Variants in KAZN observed in about 807,000 individuals in gnomAD.
The protein encoded by KAZN is kazrin, periplakin interacting protein.
Under a neutral mutation model 87.4 loss-of-function variants are expected in KAZN, and 40 were observed. That is an observed-to-expected ratio of 0.46 (90% CI 0.36 to 0.60). The LOEUF is 0.60. Among genes scored for constraint, KAZN ranks in the 20% least tolerant of loss-of-function variants. KAZN has a pLI of 0.00. For missense variants in KAZN, 898 were observed against 1,073.9 expected, an observed-to-expected ratio of 0.84 and a Z score of 2.29; for synonymous variants, 466 against 458.3, an observed-to-expected ratio of 1.02 and a Z score of -0.22.
chr1:14,885,880 T>C (rs1557589137), intron 1 of KAZN, among the ~76,000 whole-genome samples: 1 of 152,144 alleles, frequency 6.6e-6, no homozygotes, highest in Non-Finnish European at 1.5e-5. Flanking sequence ...TACAGATGAA[T>C]ATATGACTAC....
chr1:14,660,441 A>G (rs796511843), intron 1 of KAZN, among the ~76,000 whole-genome samples: 10 of 151,750 alleles, frequency 6.6e-5, no homozygotes, highest in African/African-American at 1.2e-4. Flanking sequence ...TTGATGGACA[A>G]TTTTGAAATT....
At chr1:14,339,112 G>C (rs1195131673) in intron 2 of KAZN, among the ~76,000 whole-genome samples, 3 of 152,176 alleles carry the variant, frequency 2.0e-5, no homozygotes, top group Non-Finnish European at 4.4e-5. Context: ...GACTGAGAGA[G>C]AGACAGAGAG....
chr1:14,033,882 G>A (rs1641430859), intron 1 of KAZN, among the ~76,000 whole-genome samples: 1 of 152,230 alleles, frequency 6.6e-6, no homozygotes, highest in African/African-American at 2.4e-5. Context: ...TTTGTAAAGG[G>A]AAGGAAACCT....
intron 2 of KAZN, among the ~76,000 whole-genome samples, chr1:14,214,667 G>A (rs1646922374): frequency 6.6e-6 from 1 of 152,172 alleles, no homozygotes; most frequent in South Asian, 2.1e-4. Flanking sequence ...GAACCAACAA[G>A]ATTTACTGAT....
intron 2 of KAZN, among the ~76,000 whole-genome samples, chr1:14,260,014 T>G (rs984042785): frequency 6.6e-6 from 1 of 152,240 alleles, no homozygotes; most frequent in Non-Finnish European, 1.5e-5. Flanking sequence ...TTATTCCCAT[T>G]TATTTTCTGA....
chr1:14,504,247 A>T (rs1383237802), intron 2 of KAZN, among the ~76,000 whole-genome samples: 1 of 152,194 alleles, frequency 6.6e-6, no homozygotes, highest in Non-Finnish European at 1.5e-5. Context: ...GACTCAGTGG[A>T]GTCTGGTATA....
intron 1 of KAZN, among the ~76,000 whole-genome samples, chr1:14,932,511 C>T (rs935378624): frequency 2.0e-5 from 3 of 152,202 alleles, no homozygotes; most frequent in East Asian, 1.9e-4. Context: ...GCAGCTAGTA[C>T]GACTGAAGAA....
intron 2 of KAZN, among the ~76,000 whole-genome samples, chr1:14,584,158 C>T (rs558250193): frequency 6.6e-6 from 1 of 152,366 alleles, no homozygotes; most frequent in East Asian, 1.9e-4. Context: ...GGTGGGACCA[C>T]CAACCCAGTT....
At chr1:14,585,042 G>A (rs1675769943) in intron 2 of KAZN, among the ~76,000 whole-genome samples, 1 of 152,134 alleles carries the variant, frequency 6.6e-6, no homozygotes, top group Non-Finnish European at 1.5e-5. Context: ...GAGGAGATGA[G>A]GACACAGACA....
chr1:14,041,453 G>T (rs1641835771), intron 1 of KAZN, among the ~76,000 whole-genome samples: 1 of 151,700 alleles, frequency 6.6e-6, no homozygotes, highest in South Asian at 2.1e-4. Flanking sequence ...TAGTTTTCTT[G>T]TATTCTCCAA....
At chr1:14,916,565 G>A (rs1657840467) in intron 1 of KAZN, among the ~76,000 whole-genome samples, 2 of 152,162 alleles carry the variant, frequency 1.3e-5, no homozygotes, top group African/African-American at 4.8e-5. Context: ...ACTTAGAAAA[G>A]GTGAGATGTG....
intron 1 of KAZN, among the ~76,000 whole-genome samples, chr1:14,011,333 C>A (rs1422369832): frequency 6.6e-6 from 1 of 152,214 alleles, no homozygotes; most frequent in African/African-American, 2.4e-5. Context: ...CCACTGTGCC[C>A]AGCTCATGCC....
chr1:13,981,095 A>ATATATATATATATATATATATATATATG lies in KAZN; in HGVS notation c.91+87354_91+87355insATATATATATATGTATATATATATATAT, dbSNP rs1196413078. ...AGGTATAAAAAATTACTCTTTATAT[A>ATATATATATATATATATATATATATATG]TATATATATATATATGTATATATAA... On this transcript the variant is annotated intron_variant, in intron 1 of 16. Coordinates refer to the KAZN transcript ENST00000636203. Among the ~76,000 whole-genome samples the ATATATATATATATATATATATATATATG allele has an allele frequency of 3.2e-3, 336 of 104,142 alleles. 10 individuals carry two copies. The highest frequency in any genetic ancestry group is 4.5e-3 in the Non-Finnish European group (228 of 50,388). The allele number at this position is 104,142 out of a possible 152,430, so 68.3% of individuals were successfully genotyped here. A position where few individuals can be genotyped will look rare whatever the true frequency, so the allele number is the denominator to read the frequency against.
chr1:14,751,567 G>C (rs919611039), intron 1 of KAZN, among the ~76,000 whole-genome samples: 1 of 152,162 alleles, frequency 6.6e-6, no homozygotes, highest in African/African-American at 2.4e-5. Context: ...ACCTTGGGTA[G>C]GACCTTGGTA....
At chr1:14,800,647 C>T (rs1047145856) in intron 1 of KAZN, among the ~76,000 whole-genome samples, 5 of 152,064 alleles carry the variant, frequency 3.3e-5, no homozygotes, top group Non-Finnish European at 2.9e-5. Context: ...GAGGCTGCAG[C>T]GAGCCATGAT....
chr1:14,776,015 A>G (rs1181563698), intron 1 of KAZN, among the ~76,000 whole-genome samples: 3 of 151,804 alleles, frequency 2.0e-5, no homozygotes, highest in Non-Finnish European at 4.4e-5. Flanking sequence ...TTTTTATTTT[A>G]TTTTATTTTT....
chr1:14,461,933 T>C (rs144686019), intron 2 of KAZN, among the ~76,000 whole-genome samples: 2 of 151,874 alleles, frequency 1.3e-5, no homozygotes, highest in African/African-American at 4.8e-5. Flanking sequence ...AACAAAAATA[T>C]GAATTCTCTC....
intron 2 of KAZN, among the ~76,000 whole-genome samples, chr1:14,468,614 C>T (rs952132986): frequency 6.6e-5 from 10 of 152,058 alleles, no homozygotes; most frequent in South Asian, 2.1e-4. Context: ...CAGGAAGAAC[C>T]GGGAAGAACA....
chr1:14,314,947 G>C (rs1000483290), intron 2 of KAZN, among the ~76,000 whole-genome samples: 7 of 152,012 alleles, frequency 4.6e-5, no homozygotes, highest in African/African-American at 1.7e-4. Context: ...TTTTGCATCT[G>C]GCTTTTTCAC....
Sources: gnomAD v4.1 joint callset for allele counts (sites outside exome capture counted in the v4.1 genomes callset) on GRCh38, gnomAD v4.1.1 for gene constraint, MANE v1.5 for transcripts, NCBI Gene and HGNC (gene_info 2026-07-23, HGNC 2026-07-21) for gene names.